The following ST3GAL2 variants were observed in gnomAD, a reference collection of about 807,000 sequenced individuals.
ST3GAL2 encodes the protein ST3 beta-galactoside alpha-2,3-sialyltransferase 2.
A neutral mutation model predicts 37.5 loss-of-function variants in ST3GAL2; 16 were observed. The ratio of observed to expected loss-of-function variants is 0.43; its 90% CI spans 0.29 to 0.65. The LOEUF is 0.65. Ranked by LOEUF, ST3GAL2 falls within the 30% of genes least tolerant of loss-of-function variation. The pLI is 0.17. For missense variants in ST3GAL2, 383 were observed against 487.8 expected (o/e 0.79, Z 2.02); for synonymous variants, 238 against 202.9 (o/e 1.17, Z -1.47).
At chr16:70,437,178 G>A (rs1392493673) in intron 1 of ST3GAL2, among the ~76,000 whole-genome samples, 2 of 152,174 alleles carry the variant, frequency 1.3e-5, no homozygotes, top group African/African-American at 4.8e-5. Context: ...ACAACAATGC[G>A]CTCCCAGGCA....
At chr16:70,406,056 G>A (rs183161321) in intron 1 of ST3GAL2, among the ~76,000 whole-genome samples, 5 of 149,554 alleles carry the variant, frequency 3.3e-5, no homozygotes, top group South Asian at 2.1e-4. Context: ...GCAGGACTCC[G>A]TCTCAAAAAA....
At chr16:70,390,649 T>G (rs1444826071) in intron 3 of ST3GAL2, among the ~76,000 whole-genome samples, 1 of 152,208 alleles carries the variant, frequency 6.6e-6, no homozygotes, top group Non-Finnish European at 1.5e-5. Flanking sequence ...TCTGGTGATG[T>G]GCAATGTCCC....
intron 1 of ST3GAL2, among the ~76,000 whole-genome samples, chr16:70,408,026 C>T (rs1255165135): frequency 6.6e-6 from 1 of 152,092 alleles, no homozygotes; most frequent in Admixed American, 6.5e-5. Flanking sequence ...TTACACACAG[C>T]CTGAGGACGT....
chr16:70,409,925 CTTTTGTTGTTTT>C (rs749126907), intron 1 of ST3GAL2, among the ~76,000 whole-genome samples: 29 of 150,178 alleles, frequency 1.9e-4, no homozygotes, highest in Non-Finnish European at 4.1e-4. Context: ...GTGTGCACTA[CTTTTGTTGTTTT>C]TTTTGTTGTT....
chr16:70,415,762 C>CTTTTTTTTTT (rs1203693372), intron 1 of ST3GAL2, among the ~76,000 whole-genome samples: 10 of 115,922 alleles, frequency 8.6e-5, no homozygotes, highest in African/African-American at 1.9e-4. Context: ...TTCCAAGATT[C>CTTTTTTTTTT]TTTTTTTTTT....
chr16:70,409,252 G>C (rs529682738), intron 1 of ST3GAL2, among the ~76,000 whole-genome samples: 1 of 152,324 alleles, frequency 6.6e-6, no homozygotes, highest in East Asian at 1.9e-4. Flanking sequence ...GGGCAACAGA[G>C]TGAGACCTCA....
intron 1 of ST3GAL2, among the ~76,000 whole-genome samples, chr16:70,428,838 TC>T (rs1175637344): frequency 9.2e-5 from 14 of 152,134 alleles, no homozygotes; most frequent in Non-Finnish European, 1.5e-5. Flanking sequence ...GCCTCCCAGA[TC>T]AGTCTGATTC....
chr16:70,408,505 C>G (rs936994), intron 1 of ST3GAL2, among the ~76,000 whole-genome samples: 1 of 151,652 alleles, frequency 6.6e-6, no homozygotes, highest in Non-Finnish European at 1.5e-5. Flanking sequence ...GAGAATGGGC[C>G]GCTTCACCAC....
At chr16:70,423,808 C>T (rs1228896635) in intron 1 of ST3GAL2, among the ~76,000 whole-genome samples, 3 of 151,512 alleles carry the variant, frequency 2.0e-5, no homozygotes, top group Non-Finnish European at 4.4e-5. Context: ...CAGTGGCTCA[C>T]GCTTGTAATC....
intron 1 of ST3GAL2, among the ~76,000 whole-genome samples, chr16:70,412,280 G>A (rs757683983): frequency 5.9e-5 from 9 of 152,222 alleles, no homozygotes; most frequent in Non-Finnish European, 1.0e-4. Context: ...GGCATCCAAT[G>A]TTGATAAGAT....
Position 70,398,551 on chromosome 16 carries a change from G to C in ST3GAL2, c.-21C>G, listed in dbSNP as rs547629531. On this transcript the variant is annotated 5_prime_UTR_variant, in exon 2 of 7. Transcript: ENST00000342907. The stretch of plus-strand genomic sequence containing the variant: ...TTCATGGTGCCGGCAGGCGGGTGAC[G>C]GTCACCGTGGCCACTCTTTTCCCAG... 3 of 1,559,264 alleles carry C rather than the reference G, an allele frequency of 1.9e-6. No homozygotes were observed. Among genetic ancestry groups the C allele is most frequent in the African/African-American group, 1.4e-5 (1 of 73,786 alleles).
chr16:70,417,923 T>C (rs1200407128), intron 1 of ST3GAL2, among the ~76,000 whole-genome samples: 1 of 152,052 alleles, frequency 6.6e-6, no homozygotes, highest in Non-Finnish European at 1.5e-5. Context: ...GGGACTAAGG[T>C]GCTGACAGTC....
chr16:70,424,313 G>C (rs1231475402), intron 1 of ST3GAL2, among the ~76,000 whole-genome samples: 1 of 148,596 alleles, frequency 6.7e-6, no homozygotes, highest in Non-Finnish European at 1.5e-5. Context: ...AGCTTTATAA[G>C]GTTCTTGGCT....
intron 1 of ST3GAL2, among the ~76,000 whole-genome samples, chr16:70,405,306 C>T (rs1057301019): frequency 6.6e-6 from 1 of 152,038 alleles, no homozygotes; most frequent in Admixed American, 6.5e-5. Context: ...CTTTGGGAGG[C>T]CGAGGCAGAC....
rs1045918706 is a variant in ST3GAL2 at position 70,398,823 on chromosome 16, T to G, written c.-293A>C. 45 of 564,868 alleles carry G rather than the reference T, an allele frequency of 8.0e-5. No individual in the cohort carries two copies. The highest frequency in any genetic ancestry group is 4.6e-4 in the Middle Eastern group (1 of 2,192). 35.0% of individuals were successfully genotyped at this position (564,868 alleles called of 1,614,324 possible). On this transcript the variant is annotated 5_prime_UTR_variant, in exon 2 of 7. Transcript: ENST00000342907. ...AGAGGCTCTGCCTCTCCTGCCACCC[T>G]GGTGAGGGGGAGGTCAGTCCATTGC...
Position 70,388,457 on chromosome 16 carries a change from A to G in ST3GAL2, c.623T>C (p.Leu208Pro). The change falls in exon 4 of 7, where the codon CTG (leucine) becomes CCG (proline). Residue 208 changes from leucine to proline, a missense_variant. Transcript: ENST00000342907. Reference sequence around the variant, plus strand: ...CAGCACGAAGCTGACGTTGGCGGGCAGGTTCTTGGCACTCTCAGGGTACAT... The same window carrying G: ...CAGCACGAAGCTGACGTTGGCGGGCGGGTTCTTGGCACTCTCAGGGTACAT... ...HFMYPESAKN[L>P]PANVSFVLVP... 6.2e-7 allele frequency: 1 copy of G among 1,614,128 alleles called. No homozygotes were observed. Among genetic ancestry groups the G allele is most frequent in the East Asian group, 2.2e-5 (1 of 44,872 alleles).
In ST3GAL2 at chr16:70,381,115, G is replaced by A. The variant is rs966389377; in HGVS notation, c.*574C>T. On this transcript the variant is annotated 3_prime_UTR_variant, in exon 7 of 7. Transcript: ENST00000342907. Reference sequence around the variant, plus strand: ...TTCCTGGAGACGCAGGAAGCCCTGGGGGCGCAGCCATCCCACAGCGCGGCC... The same window carrying A: ...TTCCTGGAGACGCAGGAAGCCCTGGAGGCGCAGCCATCCCACAGCGCGGCC... 2 of 152,512 alleles carry A rather than the reference G, an allele frequency of 1.3e-5. No individual in the cohort carries two copies. The highest frequency in any genetic ancestry group is 6.5e-5 in the Admixed American group (1 of 15,290). The allele number at this position is 152,512 out of a possible 1,614,324, so 9.4% of individuals were successfully genotyped here.
chr16:70,419,998 A>G (rs894196393), intron 1 of ST3GAL2, among the ~76,000 whole-genome samples: 5 of 150,228 alleles, frequency 3.3e-5, no homozygotes, highest in Non-Finnish European at 7.4e-5. Flanking sequence ...GGGACACCAC[A>G]ACTGACCATT....
At chr16:70,404,021 AT>A (rs1567671111) in intron 1 of ST3GAL2, among the ~76,000 whole-genome samples, 1 of 152,138 alleles carries the variant, frequency 6.6e-6, no homozygotes, top group African/African-American at 2.4e-5. Context: ...TTTTTTAGAC[AT>A]CCACATGCAG....
Sources: gnomAD v4.1 joint callset for allele counts (sites outside exome capture counted in the v4.1 genomes callset) on GRCh38, gnomAD v4.1.1 for gene constraint, MANE v1.5 for transcripts, NCBI Gene and HGNC (gene_info 2026-07-23, HGNC 2026-07-21) for gene names.